The following ZNF446 variants were observed in gnomAD, a reference collection of about 807,000 sequenced individuals.
The protein encoded by ZNF446 is zinc finger protein with KRAB and SCAN domains 20.
Under a neutral mutation model 34.0 loss-of-function variants are expected in ZNF446, and 42 were observed. The ratio of observed to expected loss-of-function variants is 1.23; its 90% CI spans 0.96 to 1.60. The LOEUF is 1.60. Ranked by LOEUF, ZNF446 falls within the 40% of genes most tolerant of loss-of-function variation. The pLI is 0.00. For missense variants in ZNF446, 650 were observed against 600.2 expected, an observed-to-expected ratio of 1.08 and a Z score of -0.87; for synonymous variants, 315 against 251.0, an observed-to-expected ratio of 1.25 and a Z score of -2.41.
chr19:58,478,955 C>G (rs1335409941), intron 4 of ZNF446, among the ~76,000 whole-genome samples: 1 of 152,196 alleles, frequency 6.6e-6, no homozygotes, highest in Admixed American at 6.5e-5. Context: ...CAGAGGCCAC[C>G]TGTTAGGCCT....
chr19:58,480,254 T>C lies in ZNF446; in HGVS notation c.881T>C (p.Leu294Ser), dbSNP rs1041860970. The change falls in exon 7 of 7, where the codon TTG becomes TCG. Residue 294 changes from leucine (L) to serine (S), a missense_variant. By Grantham distance (145) the Leu-to-Ser change is moderately radical. Coordinates refer to ENST00000594369, the MANE Select transcript of ZNF446 (RefSeq NM_017908.4). The surrounding 1 kb of genome is among the most constrained non-coding windows in gnomAD (Gnocchi z 7.2). ...QGPGPAAWEGLSGAATPAPTV... is the reference protein window; with the variant it reads ...QGPGPAAWEGSSGAATPAPTV... ...CCAGGGCCGGCAGCCTGGGAGGGCT[T>C]GTCTGGGGCTGCCACTCCTGCCCCC... 15 of 1,579,628 alleles carry C rather than the reference T, an allele frequency of 9.5e-6. No individual in the cohort carries two copies. The highest frequency in any genetic ancestry group is 1.3e-5 in the Non-Finnish European group (15 of 1,166,976).
chr19:58,486,735 G>A, the ZNF446 span, among the ~76,000 whole-genome samples: 5 of 150,194 alleles, frequency 3.3e-5, no homozygotes, highest in Non-Finnish European at 5.9e-5. Flanking sequence ...GGCGGGGAGA[G>A]ATGAGGTCTC....
At chr19:58,482,163 T>C (rs1031926378), downstream of ZNF446, among the ~76,000 whole-genome samples, 6 of 152,260 alleles carry the variant, frequency 3.9e-5, no homozygotes, top group African/African-American at 1.2e-4. Context: ...TTTGTTGCCT[T>C]TTCCAGCTTC....
chr19:58,480,714 G>A lies in ZNF446; in HGVS notation c.1341G>A (p.Pro447=), dbSNP rs767682104. The A allele has an allele frequency of 1.1e-5, 17 of 1,603,880 alleles. No homozygotes were observed. The highest frequency in any genetic ancestry group is 3.3e-5 in the South Asian group (3 of 91,038). The change falls in exon 7 of 7, where the codon CCG becomes CCA. Residue 447 remains proline, a synonymous_variant. Transcript: ENST00000594369. The surrounding 1 kb of genome is among the most constrained non-coding windows in gnomAD (Gnocchi z 7.2). ...QLVIHRKGHR[P]EVP ...TCATCCACCGCAAGGGCCACCGGCC[G>A]GAGGTTCCATGAGCAGCCAGACAGC...
the ZNF446 span, among the ~76,000 whole-genome samples, chr19:58,489,480 C>T: frequency 6.6e-6 from 1 of 152,142 alleles, no homozygotes; most frequent in African/African-American, 2.4e-5. Context: ...AACTCTGCTC[C>T]CTGAATGCTC....
At chr19:58,485,625 T>A (rs1159763899), downstream of ZNF446, among the ~76,000 whole-genome samples, 3 of 152,186 alleles carry the variant, frequency 2.0e-5, no homozygotes, top group African/African-American at 7.2e-5. Context: ...GAAGACAGGG[T>A]GGATGTTCAC....
chr19:58,480,463 G>C lies in ZNF446; in HGVS notation c.1090G>C (p.Gly364Arg). Residue 364 changes from glycine to arginine, a missense_variant, in exon 7 of 7, where the codon GGG (glycine) becomes CGG (arginine). By Grantham distance (125) the Gly-to-Arg change is moderately radical. Transcript: ENST00000594369. This position sits in a 1 kb window ranked among gnomAD's most constrained non-coding sequence, Gnocchi z 7.2. ...GAGTGGGCCAGGTGTGCAGTCCCCG[G>C]GGCTAGCCACCGGGGAAAGCACAGA... is the stretch of plus-strand genomic sequence containing the variant. ...HTSGPGVQSP[G>R]LATGESTEKP... 6.2e-7 allele frequency: 1 copy of C among 1,612,792 alleles called. No homozygotes were observed. Among genetic ancestry groups the C allele is most frequent in the Admixed American group, 1.7e-5 (1 of 60,010 alleles).
chr19:58,481,145 G>C lies in ZNF446; in HGVS notation c.*419G>C, dbSNP rs1185557129. On this transcript the variant is annotated 3_prime_UTR_variant, in exon 7 of 7. Transcript: ENST00000594369. ...TGAGGTCTCAGTGTGGAGAGCAGCA[G>C]AAGACCCAGGAAAGCACAGTTGGCT... 1 of 182,964 alleles carries C rather than the reference G, an allele frequency of 5.5e-6. No individual in the cohort carries two copies. Among genetic ancestry groups the C allele is most frequent in the African/African-American group, 2.3e-5 (1 of 42,682 alleles). The allele number at this position is 182,964 out of a possible 1,614,324, so 11.3% of individuals were successfully genotyped here.
In ZNF446 at chr19:58,478,181, G is replaced by A; in HGVS notation, c.627G>A (p.Gln209=). Residue 209 remains glutamine, a splice_region_variant and synonymous_variant, in exon 4 of 7, where the codon CAG becomes CAA. Coordinates refer to ENST00000594369, the MANE Select transcript of ZNF446 (RefSeq NM_017908.4). ...CATCCTTCCACCCACCCAGGATTCA[G>A]GTGAGCAGCCCCAAGTGGGAAGTAT... ...ASTSFHPPRI[Q]EEWGLLDRSQ... The A allele has an allele frequency of 6.2e-7, 1 of 1,613,702 alleles. No homozygotes were observed. The highest frequency in any genetic ancestry group is 2.2e-5 in the East Asian group (1 of 44,872).
At chr19:58,477,598 C>T (rs753840560) in intron 2 of ZNF446, 38 bp downstream of exon 2, 2 of 1,613,134 alleles carry the variant, frequency 1.2e-6, no homozygotes, top group Non-Finnish European at 8.5e-7. Flanking sequence ...GAGGGATAGA[C>T]CCTGGCTAGA....
chr19:58,479,508 G>C, intron 4 of ZNF446, 135 bp from the exon 5 acceptor site: 2 of 876,568 alleles, frequency 2.3e-6, no homozygotes, highest in Non-Finnish European at 3.5e-6. Flanking sequence ...CACACACCTT[G>C]AGATCATTCT....
chr19:58,480,167 T>C lies in ZNF446; in HGVS notation c.803-9T>C, dbSNP rs1016367080. The C allele has an allele frequency of 2.5e-6, 4 of 1,590,038 alleles. No homozygotes were observed. The highest frequency in any genetic ancestry group is 1.7e-5 in the Admixed American group (1 of 59,560). On this transcript the variant is annotated splice_polypyrimidine_tract_variant and intron_variant, in intron 6 of 6. Transcript: ENST00000594369. The surrounding 1 kb of genome is among the most constrained non-coding windows in gnomAD (Gnocchi z 7.2). ...TGCCGGGACTCACCTGGTTTGCCCC[T>C]GCCCCCAGGAAATGAGAGTGAGGGT...
the ZNF446 span, among the ~76,000 whole-genome samples, chr19:58,486,849 C>G: frequency 6.6e-6 from 1 of 151,864 alleles, no homozygotes; most frequent in African/African-American, 2.4e-5. Flanking sequence ...GTCGCCCGGG[C>G]TAGAGTGCAG....
At chr19:58,479,820 C>A in intron 5 of ZNF446, 93 bp downstream of exon 5, 2 of 1,458,866 alleles carry the variant, frequency 1.4e-6, no homozygotes, top group African/African-American at 1.4e-5. Context: ...GTGCTACCAG[C>A]CCTACCCAGC....
Position 58,480,208 on chromosome 19 carries a change from G to T in ZNF446, c.835G>T (p.Glu279Ter). 6.3e-7 allele frequency: 1 copy of T among 1,596,700 alleles called. No homozygotes were observed. ...NESEGPPGCP[E>*]AQPPQGPGPA... ...GAGTGAGGGTCCACCTGGCTGCCCA[G>T]AGGCCCAGCCGCCCCAGGGCCCAGG... Residue 279 changes from glutamate (E) to a stop codon, truncating the protein, a stop_gained, in exon 7 of 7, where the codon GAG becomes TAG. Transcript: ENST00000594369. LOFTEE classifies it low-confidence loss of function (END_TRUNC). The surrounding 1 kb of genome is among the most constrained non-coding windows in gnomAD (Gnocchi z 7.2).
intron 4 of ZNF446, 178 bp from the exon 5 acceptor site, chr19:58,479,465 G>A (rs758675419): frequency 6.3e-6 from 4 of 639,526 alleles, no homozygotes; most frequent in Non-Finnish European, 8.1e-6. Context: ...CACTGGTCAG[G>A]TGATCTGAAG....
At chr19:58,476,718 C>T (rs987176949) in intron 1 of ZNF446, among the ~76,000 whole-genome samples, 1 of 152,174 alleles carries the variant, frequency 6.6e-6, no homozygotes, top group Non-Finnish European at 1.5e-5. Context: ...AAGGAGGTCC[C>T]ACCCAGTCAA....
At chr19:58,488,848 C>CAAAAAAAAAAAAA in the ZNF446 span, among the ~76,000 whole-genome samples, 1 of 102,316 alleles carries the variant, frequency 9.8e-6, no homozygotes. Flanking sequence ...AAGACTCCGT[C>CAAAAAAAAAAAAA]AAAAAAAAAA....
At chr19:58,488,625 G>A in the ZNF446 span, among the ~76,000 whole-genome samples, 4 of 151,614 alleles carry the variant, frequency 2.6e-5, no homozygotes, top group African/African-American at 9.7e-5. Context: ...GCCGAGGCAG[G>A]TGGATCATGA....
Sources: allele counts gnomAD v4.1 joint callset (sites outside exome capture counted in the v4.1 genomes callset), GRCh38; gene constraint gnomAD v4.1.1; non-coding constraint Gnocchi (gnomAD v3.1); transcripts MANE v1.5; gene names NCBI Gene and HGNC (gene_info 2026-07-23, HGNC 2026-07-21).